The following KLF12 variants were observed in gnomAD, a reference collection of about 807,000 sequenced individuals.
KLF12 encodes KLF transcription factor 12.
In KLF12, 9 loss-of-function variants were observed where a neutral mutation model predicts 37.8. The observed-to-expected ratio is 0.24, with a 90% CI of 0.14 to 0.42. The LOEUF (loss-of-function observed/expected upper bound fraction) is 0.42. Among genes scored for constraint, KLF12 ranks in the 10% least tolerant of loss-of-function variants. The pLI is 1.00. For missense variants in KLF12, 411 were observed against 516.0 expected, an observed-to-expected ratio of 0.80 and a Z score of 1.97; for synonymous variants, 208 against 202.1, an observed-to-expected ratio of 1.03 and a Z score of -0.25.
the KLF12 span, chr13:74,257,647 TG>T: frequency 6.6e-6 from 1 of 152,192 alleles, no homozygotes; most frequent in Non-Finnish European, 1.5e-5. Flanking sequence ...TTTTGTCACC[TG>T]GGGGACTGCG....
chr13:73,914,344 C>A (rs756935185), intron 3 of KLF12, among the ~76,000 whole-genome samples: 1 of 152,090 alleles, frequency 6.6e-6, no homozygotes, highest in African/African-American at 2.4e-5. Flanking sequence ...TTGCTGCAGG[C>A]GTTCATCAGC....
intron 2 of KLF12, among the ~76,000 whole-genome samples, chr13:73,947,908 C>T (rs1890502303): frequency 6.6e-6 from 1 of 152,148 alleles, no homozygotes; most frequent in African/African-American, 2.4e-5. Flanking sequence ...CTCCTCCTGA[C>T]CTTGACTCAT....
chr13:74,015,757 C>T lies in KLF12; in HGVS notation c.-31-20704G>A, dbSNP rs571050566. ...TTGCCTCTAGGTTCTGACTCCCTTT[C>T]TTCCCAAGGTAGGTCTTAAACTCTG... On this transcript the variant is annotated intron_variant, in intron 1 of 7. Coordinates refer to ENST00000377669, the MANE Select transcript of KLF12 (RefSeq NM_007249.5). Among the ~76,000 whole-genome samples the T allele has an allele frequency of 5.9e-5, 9 of 152,294 alleles. No individual in the cohort carries two copies. In the South Asian group the frequency reaches 1.9e-3, roughly 32 times the overall value.
chr13:73,978,181 A>T (rs898514458), intron 2 of KLF12, among the ~76,000 whole-genome samples: 1 of 152,210 alleles, frequency 6.6e-6, no homozygotes, highest in African/African-American at 2.4e-5. Flanking sequence ...GAGAATGAAA[A>T]GATAAGTAAC....
chr13:74,235,840 G>A, the KLF12 span, among the ~76,000 whole-genome samples: 1 of 151,932 alleles, frequency 6.6e-6, no homozygotes, highest in Non-Finnish European at 1.5e-5. Flanking sequence ...GCATCTTAAT[G>A]GAGGATCAGC....
At chr13:73,771,713 C>T (rs1399596595) in intron 5 of KLF12, among the ~76,000 whole-genome samples, 1 of 152,152 alleles carries the variant, frequency 6.6e-6, no homozygotes, top group African/African-American at 2.4e-5. Context: ...TTGAGATAAA[C>T]AGGTAGTAAC....
chr13:73,734,787 G>A (rs919287240), intron 6 of KLF12, among the ~76,000 whole-genome samples: 5 of 152,118 alleles, frequency 3.3e-5, no homozygotes, highest in Middle Eastern at 6.8e-3. Flanking sequence ...AAATTATATC[G>A]AGTGTTTTCA....
chr13:73,751,828 T>C (rs947109021), intron 6 of KLF12, among the ~76,000 whole-genome samples: 5 of 152,044 alleles, frequency 3.3e-5, no homozygotes, highest in Non-Finnish European at 7.4e-5. Context: ...GGGCTGGACA[T>C]CTACTGGGGG....
At chr13:74,221,706 T>C in the KLF12 span, among the ~76,000 whole-genome samples, 44 of 152,338 alleles carry the variant, frequency 2.9e-4, 2 homozygotes, top group South Asian at 8.3e-3. Context: ...CCTTTTATAT[T>C]TAAGTGGAGT....
At chr13:73,963,941 T>G (rs949058244) in intron 2 of KLF12, among the ~76,000 whole-genome samples, 2 of 152,132 alleles carry the variant, frequency 1.3e-5, no homozygotes, top group Non-Finnish European at 2.9e-5. Context: ...CAATAACAGA[T>G]GAGAAGAAAA....
At chr13:73,938,222 AC>A (rs1445885392) in intron 3 of KLF12, among the ~76,000 whole-genome samples, 13 of 152,178 alleles carry the variant, frequency 8.5e-5, no homozygotes, top group African/African-American at 2.9e-4. Flanking sequence ...CTGTCTTACT[AC>A]GCCTTTACGC....
At chr13:73,944,122 G>A (rs1316490487) in intron 2 of KLF12, 52 bp from the exon 3 acceptor site, 1 of 1,114,864 alleles carries the variant, frequency 9.0e-7, no homozygotes, top group Non-Finnish European at 1.4e-6. Flanking sequence ...TTCAAAAGAG[G>A]ACCTCTGGGA....
chr13:74,291,788 A>G, the KLF12 span, among the ~76,000 whole-genome samples: 1 of 152,204 alleles, frequency 6.6e-6, no homozygotes, highest in African/African-American at 2.4e-5. Flanking sequence ...ATCAGCAAAG[A>G]TGATGTAAAT....
intron 1 of KLF12, among the ~76,000 whole-genome samples, chr13:74,094,423 C>G (rs8001594): frequency 0.18 from 27,497 of 151,862 alleles, 2,703 homozygotes; most frequent in African/African-American, 0.27. Context: ...TACATATCAT[C>G]ATTTTCTTGA....
chr13:74,174,335 CTTT>C, the KLF12 span, among the ~76,000 whole-genome samples: 2 of 133,154 alleles, frequency 1.5e-5, no homozygotes, highest in Non-Finnish European at 1.6e-5. Flanking sequence ...TCTTTCTTTT[CTTT>C]TTTTTTTTTT....
At chr13:74,070,546 A>C (rs1228461524) in intron 1 of KLF12, among the ~76,000 whole-genome samples, 1 of 152,202 alleles carries the variant, frequency 6.6e-6, no homozygotes. Flanking sequence ...CCCTGCCAGC[A>C]ACAGCCACCA....
At chr13:74,160,963 G>A in the KLF12 span, among the ~76,000 whole-genome samples, 1 of 152,260 alleles carries the variant, frequency 6.6e-6, no homozygotes, top group East Asian at 1.9e-4. Context: ...GCCAAGGTGG[G>A]AACACTGGAG....
rs367549172 is a variant in KLF12, at chr13:73,845,918, C to G, written c.579G>C (p.Val193=). The G allele has an allele frequency of 5.6e-6, 9 of 1,613,998 alleles. No homozygotes were observed. Among genetic ancestry groups the G allele is most frequent in the Non-Finnish European group, 7.6e-6 (9 of 1,180,002 alleles). ...ACCTTACAGCTGTGTAGACAACAGGCACCGACTGTACCACCACGGGGATGC... is the reference window on the plus strand; with the variant it reads ...ACCTTACAGCTGTGTAGACAACAGGGACCGACTGTACCACCACGGGGATGC... The change falls in exon 4 of 8, where the codon GTG becomes GTC. Residue 193 remains valine, a synonymous_variant. Transcript: ENST00000377669.
intron 6 of KLF12, among the ~76,000 whole-genome samples, chr13:73,732,853 C>CTAGTGA (rs1223286190): frequency 6.6e-6 from 1 of 152,126 alleles, no homozygotes; most frequent in Non-Finnish European, 1.5e-5. Context: ...CAAAGCTGAA[C>CTAGTGA]TAGTGATGCT....
Sources: allele counts gnomAD v4.1 joint callset (sites outside exome capture counted in the v4.1 genomes callset), GRCh38; gene constraint gnomAD v4.1.1; transcripts MANE v1.5; gene names NCBI Gene and HGNC (gene_info 2026-07-23, HGNC 2026-07-21).